The following RBFOX1 variants were observed in gnomAD, a reference collection of about 807,000 sequenced individuals.
RBFOX1 encodes the protein RNA binding protein fox-1 homolog 1.
A neutral mutation model predicts 57.7 loss-of-function variants in RBFOX1; 8 were observed. The observed-to-expected ratio is 0.14, with a 90% CI of 0.08 to 0.25. The LOEUF (loss-of-function observed/expected upper bound fraction) is 0.25, where lower values mean the gene tolerates loss of function less well. Ranked by LOEUF, RBFOX1 falls within the 10% of genes least tolerant of loss-of-function variation. RBFOX1 has a pLI of 1.00. For synonymous variants in RBFOX1, 326 were observed against 222.4 expected (o/e 1.47, Z -4.15); for missense variants, 611 against 548.5 (o/e 1.11, Z -1.14).
intron 3 of RBFOX1, among the ~76,000 whole-genome samples, chr16:6,659,426 GAGAGT>G (rs2098687220): frequency 6.6e-6 from 1 of 152,118 alleles, no homozygotes; most frequent in African/African-American, 2.4e-5. Flanking sequence ...GGTTAACACT[GAGAGT>G]TCTGAACTCA....
In RBFOX1 at chr16:7,090,373, G is replaced by T. The variant is rs138303134; in HGVS notation, c.27+38275G>T. ...ATGGAAAACTTTTTGCTGGGGGGAG[G>T]TGTGGGGTAGATGGTATAGTCTCCC... On this transcript the variant is annotated intron_variant, in intron 4 of 15. Transcript: ENST00000550418. Among the ~76,000 whole-genome samples, 412 of 152,206 alleles carry T rather than the reference G, an allele frequency of 2.7e-3. 2 individuals are homozygous for T. Among genetic ancestry groups the T allele is most frequent in the African/African-American group, 7.1e-3 (294 of 41,526 alleles).
intron 4 of RBFOX1, among the ~76,000 whole-genome samples, chr16:7,221,202 T>G (rs887679022): frequency 2.6e-5 from 4 of 152,158 alleles, no homozygotes; most frequent in Non-Finnish European, 5.9e-5. Flanking sequence ...AGCTGCCTTG[T>G]ACATTGTAAG....
Position 6,963,243 on chromosome 16 carries a change from G to A in RBFOX1, c.-15-88814G>A, listed in dbSNP as rs147084320. On this transcript the variant is annotated intron_variant, in intron 3 of 15. Coordinates refer to ENST00000550418, the MANE Select transcript of RBFOX1 (RefSeq NM_018723.4). ...AGAGGTAGCATCAAAAGCAGCATTT[G>A]TGTTGGCAAAAAGCTAGCCCATCTT... Among the ~76,000 whole-genome samples, 617 of 152,096 alleles carry A rather than the reference G, an allele frequency of 4.1e-3. 7 individuals are homozygous for A. The highest frequency in any genetic ancestry group is 0.01 in the Middle Eastern group (3 of 294).
At chr16:5,567,500 C>G (rs1442145311) in intron 2 of RBFOX1, among the ~76,000 whole-genome samples, 1 of 152,042 alleles carries the variant, frequency 6.6e-6, no homozygotes, top group African/African-American at 2.4e-5. Flanking sequence ...CCACCTGCCC[C>G]TGGTCATAGG....
chr16:5,788,434 G>A (rs2054583347), intron 3 of RBFOX1, among the ~76,000 whole-genome samples: 1 of 152,124 alleles, frequency 6.6e-6, no homozygotes, highest in Admixed American at 6.5e-5. Flanking sequence ...TTTGAGATCA[G>A]CCTGGCCAAT....
At chr16:7,114,680 C>G (rs138860658) in intron 4 of RBFOX1, among the ~76,000 whole-genome samples, 1 of 152,328 alleles carries the variant, frequency 6.6e-6, no homozygotes, top group East Asian at 1.9e-4. Flanking sequence ...CCCTGCCTCT[C>G]TGGAAATGAG....
rs558306712 is a variant in RBFOX1 at position 6,796,329 on chromosome 16, C to T, written c.-16+141679C>T. Among the ~76,000 whole-genome samples, 289 of 152,198 alleles carry T rather than the reference C, an allele frequency of 1.9e-3. 1 individual carries two copies. The highest frequency in any genetic ancestry group is 5.0e-3 in the African/African-American group (208 of 41,494). On this transcript the variant is annotated intron_variant, in intron 3 of 15. Coordinates refer to ENST00000550418, the MANE Select transcript of RBFOX1 (RefSeq NM_018723.4). The stretch of plus-strand genomic sequence containing the variant: ...GAATTGTGGCAGTTACAATTCAAGA[C>T]GACATGTGAGTGGGTACACAGCCAA...
intron 1 of RBFOX1, among the ~76,000 whole-genome samples, chr16:5,382,622 G>A (rs1040243478): frequency 1.3e-5 from 2 of 152,174 alleles, no homozygotes; most frequent in Non-Finnish European, 2.9e-5. Flanking sequence ...TGTACTTGCA[G>A]AATGTTGCTT....
intron 3 of RBFOX1, among the ~76,000 whole-genome samples, chr16:6,681,979 C>A (rs747722711): frequency 1.3e-5 from 2 of 152,142 alleles, no homozygotes; most frequent in African/African-American, 2.4e-5. Context: ...ACCTTTATTT[C>A]TTCTTCCAAA....
chr16:6,544,458 G>A (rs1175016466), intron 2 of RBFOX1, among the ~76,000 whole-genome samples: 2 of 152,134 alleles, frequency 1.3e-5, no homozygotes, highest in Non-Finnish European at 2.9e-5. Context: ...GTTCTGGGAG[G>A]CACTGTAATT....
intron 1 of RBFOX1, among the ~76,000 whole-genome samples, chr16:5,457,184 T>C (rs2068656159): frequency 6.6e-6 from 1 of 152,302 alleles, no homozygotes. Context: ...CCACCCAGAC[T>C]GGAGTGCAGT....
At chr16:7,469,277 T>A (rs1419345647) in intron 4 of RBFOX1, among the ~76,000 whole-genome samples, 5 of 152,084 alleles carry the variant, frequency 3.3e-5, no homozygotes, top group African/African-American at 1.2e-4. Context: ...TCGGTCAGGC[T>A]GGTCTCGAAC....
chr16:6,884,782 C>A (rs966032623), intron 3 of RBFOX1, among the ~76,000 whole-genome samples: 2 of 152,056 alleles, frequency 1.3e-5, no homozygotes, highest in African/African-American at 4.8e-5. Flanking sequence ...CCTGCAGTCC[C>A]AGCTACTTGG....
At chr16:5,837,252 G>GT (rs112626364) in intron 3 of RBFOX1, among the ~76,000 whole-genome samples, 5,149 of 145,130 alleles carry the variant, frequency 0.035, 271 homozygotes, top group African/African-American at 0.12. Context: ...ACTTTTCTCA[G>GT]TTTTTTTTTT....
chr16:6,279,757 A>T (rs1034532732), intron 1 of RBFOX1, among the ~76,000 whole-genome samples: 1 of 152,198 alleles, frequency 6.6e-6, no homozygotes, highest in Non-Finnish European at 1.5e-5. Context: ...TGCCATCAAG[A>T]TTAGTTTTAA....
At chr16:7,571,654 C>G (rs1567890986) in intron 5 of RBFOX1, among the ~76,000 whole-genome samples, 1 of 152,144 alleles carries the variant, frequency 6.6e-6, no homozygotes. Context: ...AAGGCCTTCA[C>G]ACTGGGCCCG....
chr16:7,658,288 G>A (rs1362496977), intron 12 of RBFOX1, among the ~76,000 whole-genome samples: 1 of 152,134 alleles, frequency 6.6e-6, no homozygotes, highest in Admixed American at 6.5e-5. Context: ...GGCACTTGCA[G>A]TTTCACAGAC....
chr16:7,258,403 A>T (rs2094782761), intron 4 of RBFOX1, among the ~76,000 whole-genome samples: 1 of 152,138 alleles, frequency 6.6e-6, no homozygotes, highest in South Asian at 2.1e-4. Context: ...ACTTGGGAAG[A>T]TTTGACATTC....
intron 14 of RBFOX1, among the ~76,000 whole-genome samples, chr16:7,684,407 C>CT (rs769472065): frequency 1.5e-4 from 23 of 152,132 alleles, no homozygotes; most frequent in Non-Finnish European, 2.9e-4. Flanking sequence ...AGTCACTTTT[C>CT]TTTTTTTCCA....
Sources: gnomAD v4.1 joint callset for allele counts (sites outside exome capture counted in the v4.1 genomes callset) on GRCh38, gnomAD v4.1.1 for gene constraint, MANE v1.5 for transcripts, NCBI Gene and HGNC (gene_info 2026-07-23, HGNC 2026-07-21) for gene names.